TRPC7: variants seen among roughly 807,000 people sequenced by gnomAD.
TRPC7 encodes the protein transient receptor potential cation channel subfamily C member 7.
In TRPC7, 42 loss-of-function variants were observed where a neutral mutation model predicts 90.1. The ratio of observed to expected loss-of-function variants is 0.47; its 90% confidence interval spans 0.36 to 0.60. The LOEUF is 0.60. Ranked by LOEUF, TRPC7 falls within the 20% of genes least tolerant of loss-of-function variation. The pLI is 0.00. For missense variants in TRPC7, 955 were observed against 1,112.3 expected (o/e 0.86, Z 2.01); for synonymous variants, 451 against 436.3 (o/e 1.03, Z -0.42).
intron 1 of TRPC7, among the ~76,000 whole-genome samples, chr5:136,358,562 A>G (rs1258939524): frequency 6.6e-6 from 1 of 152,208 alleles, no homozygotes; most frequent in Non-Finnish European, 1.5e-5. Context: ...CCAGTCTTGG[A>G]CAATGTAAGT....
intron 7 of TRPC7, among the ~76,000 whole-genome samples, chr5:136,233,100 A>G (rs1019253975): frequency 2.6e-5 from 4 of 152,042 alleles, no homozygotes; most frequent in Non-Finnish European, 4.4e-5. Flanking sequence ...GTGCGTGTGC[A>G]TGTGTGTGTG....
At chr5:136,252,486 C>T (rs1253851325) in intron 5 of TRPC7, among the ~76,000 whole-genome samples, 1 of 152,020 alleles carries the variant, frequency 6.6e-6, no homozygotes, top group Non-Finnish European at 1.5e-5. Flanking sequence ...AGATATATGT[C>T]CTCATTGTTA....
chr5:136,275,976 T>G (rs1757353418), intron 3 of TRPC7, among the ~76,000 whole-genome samples: 1 of 152,202 alleles, frequency 6.6e-6, no homozygotes, highest in Non-Finnish European at 1.5e-5. Flanking sequence ...ATGTGGTCCA[T>G]GAGACACTTT....
rs1034693728 is a variant in TRPC7 at position 136,213,312 on chromosome 5, C to T, written c.*123G>A. On this transcript the variant is annotated 3_prime_UTR_variant, in exon 12 of 12. Transcript: ENST00000513104. ...TCAGTCATGCTGCAAGAGACTGAGC[C>T]AGGAGATCCCCTTCGTGTCCTAGAG... 4 of 990,944 alleles carry T rather than the reference C, an allele frequency of 4.0e-6. No homozygotes were observed. The highest frequency in any genetic ancestry group is 1.6e-5 in the African/African-American group (1 of 61,098). 61.4% of individuals were successfully genotyped at this position (990,944 alleles called of 1,614,324 possible).
At chr5:136,324,532 C>A (rs994696156) in intron 2 of TRPC7, among the ~76,000 whole-genome samples, 1 of 152,214 alleles carries the variant, frequency 6.6e-6, no homozygotes, top group South Asian at 2.1e-4. Context: ...AATTTCTTTT[C>A]TTTCCTTTTG....
chr5:136,351,131 A>T (rs922488253), intron 2 of TRPC7, among the ~76,000 whole-genome samples: 1 of 152,258 alleles, frequency 6.6e-6, no homozygotes, highest in African/African-American at 2.4e-5. Flanking sequence ...TTTTTATTGT[A>T]TTGTGATTTT....
chr5:136,273,174 A>G (rs1165006039), intron 4 of TRPC7, among the ~76,000 whole-genome samples: 1 of 151,834 alleles, frequency 6.6e-6, no homozygotes, highest in African/African-American at 2.4e-5. Flanking sequence ...GCTCAGAGAA[A>G]GTGAAGTTAA....
At chr5:136,241,482 C>T (rs751644431) in intron 7 of TRPC7, among the ~76,000 whole-genome samples, 81 of 152,320 alleles carry the variant, frequency 5.3e-4, no homozygotes, top group African/African-American at 1.7e-3. Flanking sequence ...TCATTGCCTC[C>T]GGCCCCTCCT....
intron 2 of TRPC7, among the ~76,000 whole-genome samples, chr5:136,319,037 G>T (rs560234017): frequency 6.6e-6 from 1 of 152,222 alleles, no homozygotes; most frequent in East Asian, 1.9e-4. Flanking sequence ...ACACACAGCT[G>T]ATTATTGTGC....
intron 3 of TRPC7, among the ~76,000 whole-genome samples, chr5:136,299,332 G>GGTGTGC (rs1561707996): frequency 3.9e-5 from 5 of 127,040 alleles, no homozygotes; most frequent in African/African-American, 1.4e-4. Context: ...CTCTGACTGG[G>GGTGTGC]GTGTGTGCGT....
rs746861146 is a variant in TRPC7, at chr5:136,273,484, GGAA to G, written c.1128+1186_1128+1188del. Among the ~76,000 whole-genome samples the G allele has an allele frequency of 1.7e-4, 26 of 152,172 alleles. No homozygotes were observed. The South Asian group carries it at 4.2e-3, about 24-fold the overall frequency. On this transcript the variant is annotated intron_variant, in intron 4 of 11. Coordinates refer to ENST00000513104, the MANE Select transcript of TRPC7 (RefSeq NM_020389.3). ...GCTTCCATTCTTAATACTACTCTCC[GGAA>G]GAAGGATTTGGGGACTTGACCTCTC...
Position 136,312,972 on chromosome 5 carries a change from CTTTT to C in TRPC7, c.963+2621_963+2624del, listed in dbSNP as rs34840823. On this transcript the variant is annotated intron_variant, in intron 3 of 11. Transcript: ENST00000513104. ...TCCTTTATCTATTAGAGTAGTGATT[CTTTT>C]TTTTTTTTTTTTTTTTTTTTAATAG... Among the ~76,000 whole-genome samples, 198 of 97,042 alleles carry C rather than the reference CTTTT, an allele frequency of 2.0e-3. 2 individuals are homozygous for C. Among genetic ancestry groups the C allele is most frequent in the African/African-American group, 5.1e-3 (132 of 26,028 alleles). The allele number at this position is 97,042 out of a possible 152,430, so 63.7% of individuals were successfully genotyped here. A position where few individuals can be genotyped will look rare whatever the true frequency, so the allele number is the denominator to read the frequency against.
chr5:136,287,335 G>A (rs1161900027), intron 3 of TRPC7, among the ~76,000 whole-genome samples: 1 of 151,090 alleles, frequency 6.6e-6, no homozygotes, highest in Non-Finnish European at 1.5e-5. Context: ...GCTTTTTGGG[G>A]GGATTAGGGC....
rs1755808395 is a variant in TRPC7 at position 136,231,379 on chromosome 5, A to G, written c.2015T>C (p.Ile672Thr). The G allele has an allele frequency of 6.3e-7, 1 of 1,599,552 alleles. No individual in the cohort carries two copies. Among genetic ancestry groups the G allele is most frequent in the Non-Finnish European group, 8.6e-7 (1 of 1,168,328 alleles). Residue 672 changes from isoleucine (I) to threonine (T), a missense_variant, in exon 8 of 12, where the codon ATA (isoleucine) becomes ACA (threonine). Ile to Thr is a moderately conservative substitution (Grantham distance 89). Coordinates refer to ENST00000513104, the MANE Select transcript of TRPC7 (RefSeq NM_020389.3). The stretch of plus-strand genomic sequence containing the variant: ...CTCAATTTCCTGATAGGAGTTGTTT[A>G]TCATGGCTATTAGCATGTTGAGCAA... Reference protein sequence around the residue: ...VVLLNMLIAMINNSYQEIEED... With the variant: ...VVLLNMLIAMTNNSYQEIEED...
At chr5:136,352,612 C>T (rs542004881) in intron 2 of TRPC7, among the ~76,000 whole-genome samples, 10 of 152,206 alleles carry the variant, frequency 6.6e-5, no homozygotes, top group East Asian at 3.9e-4. Flanking sequence ...ACACAGAGAG[C>T]GCATATTCCA....
Position 136,274,986 on chromosome 5 carries a change from C to T in TRPC7, c.964-149G>A, listed in dbSNP as rs149064880. ...GAACCTGCAGTGGGTGGGGATGAGG[C>T]GTAGGAAGGGGGCCTTCTGACTTGG... is the stretch of plus-strand genomic sequence containing the variant. On this transcript the variant is annotated intron_variant, in intron 3 of 11. Coordinates refer to ENST00000513104, the MANE Select transcript of TRPC7 (RefSeq NM_020389.3). 68 of 832,450 alleles carry T rather than the reference C, an allele frequency of 8.2e-5. No individual in the cohort carries two copies. The African/African-American group carries it at 9.5e-4, about 12-fold the overall frequency. 51.6% of individuals were successfully genotyped at this position (832,450 alleles called of 1,614,324 possible).
intron 3 of TRPC7, among the ~76,000 whole-genome samples, chr5:136,285,016 G>A (rs1757664814): frequency 6.6e-6 from 1 of 152,190 alleles, no homozygotes; most frequent in Admixed American, 6.5e-5. Context: ...AAAGCACTTG[G>A]CATGGTAAAG....
At chr5:136,363,522 A>G (rs1365782169) in intron 1 of TRPC7, among the ~76,000 whole-genome samples, 3 of 152,188 alleles carry the variant, frequency 2.0e-5, no homozygotes, top group Non-Finnish European at 4.4e-5. Flanking sequence ...GGTATACACG[A>G]GTTCATACAT....
intron 3 of TRPC7, chr5:136,314,227 C>T (rs1758932973): frequency 6.6e-6 from 1 of 152,158 alleles, no homozygotes; most frequent in South Asian, 2.1e-4. Context: ...GTTTGTAGTT[C>T]TGGGAACTCC....
Sources: gnomAD v4.1 joint callset for allele counts (sites outside exome capture counted in the v4.1 genomes callset) on GRCh38, gnomAD v4.1.1 for gene constraint, MANE v1.5 for transcripts, NCBI Gene and HGNC (gene_info 2026-07-23, HGNC 2026-07-21) for gene names.